VTI1A: variants seen among roughly 807,000 people sequenced by gnomAD.
VTI1A encodes the protein vesicle transport through interaction with t-SNAREs 1A.
Under a neutral mutation model 34.9 loss-of-function variants are expected in VTI1A, and 22 were observed. That is an observed-to-expected ratio of 0.63 (90% CI 0.45 to 0.90). VTI1A has a LOEUF of 0.90. Ranked by LOEUF, VTI1A falls within the 40% of genes least tolerant of loss-of-function variation. The pLI is 0.00. For missense variants in VTI1A, 268 were observed against 275.6 expected (o/e 0.97, Z 0.20); for synonymous variants, 87 against 97.3 (o/e 0.89, Z 0.62).
At chr10:112,527,366 G>C in intron 4 of VTI1A, 1 of 409,456 alleles carries the variant, frequency 2.4e-6, no homozygotes, top group Admixed American at 4.4e-5. Context: ...TGTGATCACT[G>C]TCTGCTATCT....
At chr10:112,810,687 C>T (rs949041604) in intron 7 of VTI1A, among the ~76,000 whole-genome samples, 6 of 152,300 alleles carry the variant, frequency 3.9e-5, no homozygotes, top group Admixed American at 1.3e-4. Flanking sequence ...ACCATCTCAG[C>T]CTCAGTCACA....
rs1176313257 is a variant in VTI1A, at chr10:112,816,007, AT to A, written c.*632del. Reference sequence around the variant, plus strand: ...ATAATTTTTTTTTTAACCCAAAGATATTTTTTTTGCTGAGCCTGCCCAGTAT... The same window carrying A: ...ATAATTTTTTTTTTAACCCAAAGATATTTTTTTGCTGAGCCTGCCCAGTAT... On this transcript the variant is annotated 3_prime_UTR_variant, in exon 8 of 8. Transcript: ENST00000393077. 2.5e-4 allele frequency: 56 copies of A among 222,690 alleles called. No individual in the cohort carries two copies. Among genetic ancestry groups the A allele is most frequent in the Non-Finnish European group, 4.0e-4 (45 of 111,896 alleles). 13.8% of individuals were successfully genotyped at this position (222,690 alleles called of 1,614,324 possible).
chr10:112,831,926 A>T, the VTI1A span: 1 of 152,200 alleles, frequency 6.6e-6, no homozygotes, highest in Non-Finnish European at 1.5e-5. Flanking sequence ...CTGCAAGTCT[A>T]ATGATCCAGA....
At chr10:112,801,068 G>A (rs1852861630) in intron 7 of VTI1A, among the ~76,000 whole-genome samples, 1 of 152,196 alleles carries the variant, frequency 6.6e-6, no homozygotes, top group South Asian at 2.1e-4. Context: ...AGCTTGGTGG[G>A]TTACTAGTTC....
At chr10:112,471,705 T>C (rs1020516588) in intron 3 of VTI1A, among the ~76,000 whole-genome samples, 2 of 152,140 alleles carry the variant, frequency 1.3e-5, no homozygotes, top group African/African-American at 4.8e-5. Context: ...AGAATTCCTG[T>C]AAGCTGTTCT....
At chr10:112,543,119 A>G (rs1249718477) in intron 5 of VTI1A, among the ~76,000 whole-genome samples, 2 of 152,212 alleles carry the variant, frequency 1.3e-5, no homozygotes, top group African/African-American at 2.4e-5. Flanking sequence ...GCTATTGTGA[A>G]TAGTGCTGCA....
chr10:112,780,948 C>T (rs971576685), intron 7 of VTI1A, among the ~76,000 whole-genome samples: 5 of 152,042 alleles, frequency 3.3e-5, no homozygotes, highest in African/African-American at 4.8e-5. Context: ...TTTAACCTAG[C>T]GCATTCTTCA....
the VTI1A span, among the ~76,000 whole-genome samples, chr10:112,830,061 C>T: frequency 6.6e-6 from 1 of 152,154 alleles, no homozygotes; most frequent in African/African-American, 2.4e-5. Flanking sequence ...AGTCCATTCT[C>T]CTCCTCCCTG....
At chr10:112,743,015 TGTG>T (rs1850749879) in intron 7 of VTI1A, among the ~76,000 whole-genome samples, 1 of 40,990 alleles carries the variant, frequency 2.4e-5, no homozygotes, top group African/African-American at 1.1e-4. Context: ...CCTATTCTCG[TGTG>T]TGTGTGTGTG....
At chr10:112,630,047 G>A (rs749069480) in intron 5 of VTI1A, among the ~76,000 whole-genome samples, 1 of 152,168 alleles carries the variant, frequency 6.6e-6, no homozygotes, top group Non-Finnish European at 1.5e-5. Flanking sequence ...TGTGCCTAAA[G>A]GTGTTTGTTT....
At chr10:112,631,778 G>GT (rs1473442807) in intron 5 of VTI1A, among the ~76,000 whole-genome samples, 1 of 152,188 alleles carries the variant, frequency 6.6e-6, no homozygotes, top group Non-Finnish European at 1.5e-5. Flanking sequence ...TTCAGTTCAA[G>GT]TAAGTGTGAG....
At chr10:112,457,873 A>G (rs1382888637) in intron 1 of VTI1A, among the ~76,000 whole-genome samples, 1 of 152,196 alleles carries the variant, frequency 6.6e-6, no homozygotes, top group Non-Finnish European at 1.5e-5. Flanking sequence ...TAGAGGAGAA[A>G]GTTACAGGAC....
At chr10:112,737,365 T>G in intron 7 of VTI1A, 4 of 1,028,472 alleles carry the variant, frequency 3.9e-6, no homozygotes, top group Non-Finnish European at 4.7e-6. Context: ...AAGGAGGAAT[T>G]TAAATGAGCT....
chr10:112,773,273 A>G (rs979665763), intron 7 of VTI1A, among the ~76,000 whole-genome samples: 5 of 152,224 alleles, frequency 3.3e-5, no homozygotes, highest in African/African-American at 1.2e-4. Flanking sequence ...AATCAATCAA[A>G]GGAAGTTTTT....
intron 5 of VTI1A, among the ~76,000 whole-genome samples, chr10:112,632,778 G>C (rs1846184579): frequency 6.6e-6 from 1 of 152,166 alleles, no homozygotes; most frequent in Non-Finnish European, 1.5e-5. Context: ...TATTTGAGCT[G>C]TCATTACAGT....
intron 7 of VTI1A, among the ~76,000 whole-genome samples, chr10:112,712,795 G>A (rs1328720594): frequency 6.6e-6 from 1 of 152,176 alleles, no homozygotes; most frequent in African/African-American, 2.4e-5. Context: ...AGGTTCAAGG[G>A]ATGTTGATTC....
chr10:112,463,265 C>T (rs959878850), intron 2 of VTI1A, among the ~76,000 whole-genome samples: 1 of 152,152 alleles, frequency 6.6e-6, no homozygotes, highest in Non-Finnish European at 1.5e-5. Flanking sequence ...TAAGCCACTT[C>T]TGCTATCTTG....
intron 5 of VTI1A, among the ~76,000 whole-genome samples, chr10:112,602,039 T>C (rs1049665535): frequency 6.6e-6 from 1 of 152,134 alleles, no homozygotes; most frequent in Non-Finnish European, 1.5e-5. Context: ...TGAGAAGAAC[T>C]GAAACATGCA....
intron 5 of VTI1A, among the ~76,000 whole-genome samples, chr10:112,572,764 G>T (rs1852187287): frequency 1.3e-5 from 2 of 151,670 alleles, no homozygotes; most frequent in Admixed American, 1.3e-4. Context: ...GCGTGAACCC[G>T]GGAGGCGGAG....
Sources: gnomAD v4.1 joint callset for allele counts (sites outside exome capture counted in the v4.1 genomes callset) on GRCh38, gnomAD v4.1.1 for gene constraint, MANE v1.5 for transcripts, NCBI Gene and HGNC (gene_info 2026-07-23, HGNC 2026-07-21) for gene names.